NRG3: variants seen among roughly 807,000 people sequenced by gnomAD.
The protein encoded by NRG3 is pro-neuregulin-3, membrane-bound isoform.
Under a neutral mutation model 66.9 loss-of-function variants are expected in NRG3, and 31 were observed. The ratio of observed to expected loss-of-function variants is 0.46; its 90% confidence interval spans 0.35 to 0.63. The LOEUF is 0.63. Among genes scored for constraint, NRG3 ranks in the 20% least tolerant of loss-of-function variants. The probability of loss-of-function intolerance (pLI) is 0.00; values close to 1 mark genes in which losing one functional copy is unlikely to be tolerated. For missense variants in NRG3, 910 were observed against 878.9 expected (o/e 1.04, Z -0.45); for synonymous variants, 393 against 359.4 (o/e 1.09, Z -1.06).
chr10:82,119,809 G>C (rs2067970542), intron 1 of NRG3, among the ~76,000 whole-genome samples: 1 of 152,040 alleles, frequency 6.6e-6, no homozygotes, highest in Non-Finnish European at 1.5e-5. Flanking sequence ...AAAGTTTTAT[G>C]TGTTACAGTA....
intron 4 of NRG3, among the ~76,000 whole-genome samples, chr10:82,945,223 G>T (rs1053010833): frequency 1.3e-5 from 2 of 152,156 alleles, no homozygotes; most frequent in African/African-American, 4.8e-5. Context: ...GAGTATGTTG[G>T]TTGGAACAGC....
chr10:82,762,673 C>T (rs2059375682), intron 3 of NRG3, among the ~76,000 whole-genome samples: 1 of 152,068 alleles, frequency 6.6e-6, no homozygotes, highest in Non-Finnish European at 1.5e-5. Flanking sequence ...AACAAAATAG[C>T]CTAGACTTTA....
intron 1 of NRG3, among the ~76,000 whole-genome samples, chr10:82,096,566 A>G (rs567184219): frequency 3.9e-5 from 6 of 152,142 alleles, no homozygotes; most frequent in Non-Finnish European, 2.9e-5. Context: ...AAAGAACACA[A>G]CAAGAAAAAG....
chr10:82,522,126 C>G (rs139304322), intron 2 of NRG3, among the ~76,000 whole-genome samples: 5,291 of 150,268 alleles, frequency 0.035, 118 homozygotes, highest in Non-Finnish European at 0.053. Flanking sequence ...TCACTGCAAC[C>G]TCCACCCACC....
rs1191421652 is a variant in NRG3, at chr10:81,949,254, CAA to C, written c.823+73093_823+73094del. Among the ~76,000 whole-genome samples, 13 of 152,222 alleles carry C rather than the reference CAA, an allele frequency of 8.5e-5. No homozygotes were observed. The East Asian group carries it at 2.5e-3, about 29-fold the overall frequency. On this transcript the variant is annotated intron_variant, in intron 1 of 8. Coordinates refer to ENST00000372141, the MANE Select transcript of NRG3 (RefSeq NM_001010848.4). Reference sequence around the variant, plus strand: ...GTGTGACCCAAGGCCCTCAGGTAAACAAAGACGCTCTTATTACATATGAGAAT... The same window carrying C: ...GTGTGACCCAAGGCCCTCAGGTAAACAGACGCTCTTATTACATATGAGAAT...
chr10:82,935,478 T>C (rs1386390656), intron 4 of NRG3, among the ~76,000 whole-genome samples: 1 of 152,206 alleles, frequency 6.6e-6, no homozygotes, highest in Non-Finnish European at 1.5e-5. Context: ...TATGACAGAA[T>C]ATTCTGCAGC....
chr10:82,693,230 G>A (rs2055085253), intron 2 of NRG3, among the ~76,000 whole-genome samples: 1 of 152,076 alleles, frequency 6.6e-6, no homozygotes. Context: ...GATACATGAT[G>A]TCAAGCCAAC....
intron 3 of NRG3, among the ~76,000 whole-genome samples, chr10:82,835,265 C>G (rs556321615): frequency 2.0e-5 from 3 of 152,136 alleles, no homozygotes; most frequent in Non-Finnish European, 4.4e-5. Flanking sequence ...ATAATGGCCA[C>G]ACTCCAGGGC....
At chr10:82,398,195 C>T (rs1191529622) in intron 2 of NRG3, among the ~76,000 whole-genome samples, 3 of 152,196 alleles carry the variant, frequency 2.0e-5, no homozygotes, top group African/African-American at 7.2e-5. Flanking sequence ...CAAGGCCAGA[C>T]TCAGCAGCAG....
chr10:82,808,705 C>T (rs1006819201), intron 3 of NRG3, among the ~76,000 whole-genome samples: 9 of 152,030 alleles, frequency 5.9e-5, no homozygotes, highest in Non-Finnish European at 1.0e-4. Flanking sequence ...AAATCAAACC[C>T]GGAATTTAGA....
At chr10:82,452,285 C>T (rs949572513) in intron 2 of NRG3, among the ~76,000 whole-genome samples, 9 of 152,296 alleles carry the variant, frequency 5.9e-5, no homozygotes, top group Middle Eastern at 3.4e-3. Flanking sequence ...CAGAACATGA[C>T]GGATTATGTA....
chr10:82,918,538 G>A (rs1591954813), intron 4 of NRG3, among the ~76,000 whole-genome samples: 2 of 152,166 alleles, frequency 1.3e-5, no homozygotes, highest in South Asian at 4.1e-4. Flanking sequence ...AAGATACTGT[G>A]GAGTTGCTTG....
intron 3 of NRG3, among the ~76,000 whole-genome samples, chr10:82,813,101 C>A (rs1227691903): frequency 1.3e-5 from 2 of 151,942 alleles, no homozygotes; most frequent in Non-Finnish European, 2.9e-5. Context: ...TCATGGCAGA[C>A]CACAGCATGT....
chr10:82,089,170 A>G (rs1245905850), intron 1 of NRG3, among the ~76,000 whole-genome samples: 1 of 152,186 alleles, frequency 6.6e-6, no homozygotes, highest in Non-Finnish European at 1.5e-5. Flanking sequence ...AGTTAATGCT[A>G]GTAAAAGATT....
chr10:82,061,403 G>A (rs2064134140), intron 1 of NRG3, among the ~76,000 whole-genome samples: 1 of 152,080 alleles, frequency 6.6e-6, no homozygotes, highest in South Asian at 2.1e-4. Context: ...CAGGTAGGGT[G>A]ACCCCCATTT....
At chr10:82,599,909 T>A (rs1349190817) in intron 2 of NRG3, among the ~76,000 whole-genome samples, 1 of 152,190 alleles carries the variant, frequency 6.6e-6, no homozygotes, top group Non-Finnish European at 1.5e-5. Flanking sequence ...GGTATTAGAA[T>A]GATATTAAGC....
chr10:82,506,791 A>G (rs1346934183), intron 2 of NRG3, among the ~76,000 whole-genome samples: 1 of 152,172 alleles, frequency 6.6e-6, no homozygotes, highest in Non-Finnish European at 1.5e-5. Context: ...CTAGTTACTC[A>G]CATAAATTAA....
intron 1 of NRG3, among the ~76,000 whole-genome samples, chr10:82,200,527 G>A: frequency 6.6e-6 from 1 of 152,176 alleles, no homozygotes; most frequent in East Asian, 1.9e-4. Flanking sequence ...GGAATGAGGG[G>A]ATAGGGATAT....
chr10:81,880,375 T>G (rs1589329970), intron 1 of NRG3, among the ~76,000 whole-genome samples: 1 of 152,088 alleles, frequency 6.6e-6, no homozygotes, highest in East Asian at 1.9e-4. Flanking sequence ...CAGTTATATT[T>G]GTGCTATTTT....
Sources: gnomAD v4.1 joint callset for allele counts (sites outside exome capture counted in the v4.1 genomes callset) on GRCh38, gnomAD v4.1.1 for gene constraint, MANE v1.5 for transcripts, NCBI Gene and HGNC (gene_info 2026-07-23, HGNC 2026-07-21) for gene names.